ABCC3: variants seen among roughly 807,000 people sequenced by gnomAD.
ABCC3 encodes the protein ATP-binding cassette sub-family C member 3.
Under a neutral mutation model 165.3 loss-of-function variants are expected in ABCC3, and 121 were observed. The ratio of observed to expected loss-of-function variants is 0.73; its 90% confidence interval spans 0.63 to 0.85. The LOEUF is 0.85. ABCC3 is among the 40% of genes least tolerant of loss of function. The pLI is 0.00. For missense variants in ABCC3, 1,869 were observed against 1,964.1 expected, an observed-to-expected ratio of 0.95 and a Z score of 0.92; for synonymous variants, 733 against 810.1, an observed-to-expected ratio of 0.90 and a Z score of 1.62.
chr17:50,663,490 A>G (rs1175948079), intron 8 of ABCC3, 191 bp from the exon 9 acceptor site: 2 of 620,886 alleles, frequency 3.2e-6, no homozygotes, highest in Non-Finnish European at 5.6e-6. Flanking sequence ...AGGTGAAGGC[A>G]GAGTGGAGCC....
At position 50,663,873 on chromosome 17, in the gene ABCC3, G is replaced by A. The variant is rs770539970; in HGVS notation, c.1176+15G>A. 3.7e-6 allele frequency: 6 copies of A among 1,614,198 alleles called. No homozygotes were observed. In the East Asian group the frequency reaches 1.1e-4, roughly 30 times the overall value. ...TCTACAGGAAGGTCAGCTGGAGCAGGGCCCAGGGGAAAGGCTGGCCCTGGG... is the reference window on the plus strand; with the variant it reads ...TCTACAGGAAGGTCAGCTGGAGCAGAGCCCAGGGGAAAGGCTGGCCCTGGG... On this transcript the variant is annotated intron_variant, in intron 9 of 30. Transcript: ENST00000285238.
rs144530573 is a variant in ABCC3 at position 50,669,157 on chromosome 17, C to T, written c.1955C>T (p.Pro652Leu). The change falls in exon 16 of 31, where the codon CCG (proline) becomes CTG (leucine). Residue 652 changes from proline to leucine, a missense_variant. Transcript: ENST00000285238. ...PTLHSLDIQVPKGALVAVVGP... is the reference protein window; with the variant it reads ...PTLHSLDIQVLKGALVAVVGP... ...GCCCCCAGCCTAGACATCCAGGTCCCGAAAGGGGCACTGGTGGCCGTGGTG... is the reference window on the plus strand; with the variant it reads ...GCCCCCAGCCTAGACATCCAGGTCCTGAAAGGGGCACTGGTGGCCGTGGTG... 32 of 1,599,712 alleles carry T rather than the reference C, an allele frequency of 2.0e-5. No individual in the cohort carries two copies. The highest frequency in any genetic ancestry group is 4.1e-5 in the African/African-American group (3 of 73,630).
chr17:50,653,065 G>C (rs895304635), intron 1 of ABCC3, among the ~76,000 whole-genome samples: 4 of 152,172 alleles, frequency 2.6e-5, no homozygotes, highest in Non-Finnish European at 5.9e-5. Context: ...AAAGCTTTAG[G>C]CCGGGCACGG....
rs1333967256 is a variant in ABCC3, at chr17:50,691,797, T to C, written c.*597T>C. The C allele has an allele frequency of 6.6e-6, 1 of 152,354 alleles. No homozygotes were observed. Among genetic ancestry groups the C allele is most frequent in the Non-Finnish European group, 1.5e-5 (1 of 68,150 alleles). The allele number at this position is 152,354 out of a possible 1,614,324, so 9.4% of individuals were successfully genotyped here. A position where few individuals can be genotyped will look rare whatever the true frequency, so the allele number is the denominator to read the frequency against. ...GAAGACTTTCTACACATGTACATGG[T>C]TGTAGTTACCTGAACTTCAGACCCA... On this transcript the variant is annotated 3_prime_UTR_variant, in exon 31 of 31. Coordinates refer to ENST00000285238, the MANE Select transcript of ABCC3 (RefSeq NM_003786.4).
rs201021941 is a variant in ABCC3 at position 50,675,936 on chromosome 17, G to A, written c.2913G>A (p.Thr971=). Residue 971 remains threonine (T), a synonymous_variant, in exon 22 of 31, where the codon ACG becomes ACA. Coordinates refer to ENST00000285238, the MANE Select transcript of ABCC3 (RefSeq NM_003786.4). ...DYAKAVGLCT[T]LAICLLYVGQ... ...CCAAGGCCGTGGGGCTCTGTACCACGCTGGCCATCTGTCTCCTGTATGTGG... is the reference window on the plus strand; with the variant it reads ...CCAAGGCCGTGGGGCTCTGTACCACACTGGCCATCTGTCTCCTGTATGTGG... 2.2e-4 allele frequency: 350 copies of A among 1,614,172 alleles called. No individual in the cohort carries two copies. Among genetic ancestry groups the A allele is most frequent in the African/African-American group, 4.1e-4 (31 of 75,044 alleles).
At chr17:50,640,125 C>A (rs889551641) in intron 1 of ABCC3, among the ~76,000 whole-genome samples, 1 of 152,208 alleles carries the variant, frequency 6.6e-6, no homozygotes, top group Non-Finnish European at 1.5e-5. Flanking sequence ...CCAGCTAGGC[C>A]ACTACCCAGG....
intron 15 of ABCC3, 103 bp downstream of exon 15, chr17:50,669,022 C>G: frequency 6.3e-7 from 1 of 1,592,348 alleles, no homozygotes; most frequent in Non-Finnish European, 8.6e-7. Context: ...GCAGGAAGAG[C>G]TTCAGCCTGC....
At chr17:50,635,223 A>G in intron 1 of ABCC3, 1 of 624,740 alleles carries the variant, frequency 1.6e-6, no homozygotes, top group Admixed American at 2.7e-5. Context: ...AGCACTGGGG[A>G]GCCCGGGAAA....
At chr17:50,660,682 G>A (rs1423964214) in intron 7 of ABCC3, among the ~76,000 whole-genome samples, 1 of 152,168 alleles carries the variant, frequency 6.6e-6, no homozygotes, top group Non-Finnish European at 1.5e-5. Context: ...GGCCAGACTG[G>A]GGGGATAGCT....
chr17:50,639,826 C>T (rs1027970320), intron 1 of ABCC3, among the ~76,000 whole-genome samples: 3 of 151,206 alleles, frequency 2.0e-5, no homozygotes, highest in African/African-American at 7.3e-5. Flanking sequence ...TGCAGTAGCA[C>T]AATCTCAACT....
intron 19 of ABCC3, among the ~76,000 whole-genome samples, chr17:50,673,957 T>C (rs1840741037): frequency 3.9e-4 from 7 of 17,944 alleles, no homozygotes; most frequent in East Asian, 1.3e-3. Flanking sequence ...TCTTTCTTTC[T>C]TTCTTTCTTT....
chr17:50,658,005 C>T (rs1967290323), intron 4 of ABCC3, 77 bp from the exon 5 acceptor site: 3 of 1,603,732 alleles, frequency 1.9e-6, no homozygotes, highest in Admixed American at 3.4e-5. Flanking sequence ...ACTGATGCCC[C>T]AAGGGACTCC....
intron 1 of ABCC3, chr17:50,635,257 G>T (rs1305888453): frequency 1.8e-5 from 11 of 626,254 alleles, no homozygotes. Context: ...CGCGGCTGGG[G>T]CGCAAAGGCA....
rs376197778 is a variant in ABCC3, at chr17:50,635,507, A to G, written c.45+526A>G. The G allele has an allele frequency of 7.3e-5, 51 of 702,524 alleles. No homozygotes were observed. The East Asian group carries it at 1.0e-3, about 14-fold the overall frequency. The allele number at this position is 702,524 out of a possible 1,614,324, so 43.5% of individuals were successfully genotyped here. A position where few individuals can be genotyped will look rare whatever the true frequency, so the allele number is the denominator to read the frequency against. ...ACCCTTCTTAGGAAGGTTTCCTGCCACCTTCTTTTCTCTAGGTAAGACTGA... is the reference window on the plus strand; with the variant it reads ...ACCCTTCTTAGGAAGGTTTCCTGCCGCCTTCTTTTCTCTAGGTAAGACTGA... On this transcript the variant is annotated intron_variant, in intron 1 of 30. Coordinates refer to ENST00000285238, the MANE Select transcript of ABCC3 (RefSeq NM_003786.4).
At position 50,635,180 on chromosome 17, in the gene ABCC3, G is replaced by T. The variant is rs559964008; in HGVS notation, c.45+199G>T. On this transcript the variant is annotated intron_variant, in intron 1 of 30. Transcript: ENST00000285238. ...CCGGAGCCGGGTCCCACGCGGTGTC[G>T]GGGACCTGCCCTGCTCTGCCCTTCC... 3.8e-4 allele frequency: 217 copies of T among 567,790 alleles called. 1 individual carries two copies. Among genetic ancestry groups the T allele is most frequent in the Admixed American group, 8.3e-4 (23 of 27,796 alleles). The allele number at this position is 567,790 out of a possible 1,614,324, so 35.2% of individuals were successfully genotyped here.
intron 21 of ABCC3, 43 bp downstream of exon 21, chr17:50,675,818 A>G: frequency 1.3e-6 from 2 of 1,594,812 alleles, no homozygotes; most frequent in Middle Eastern, 1.7e-4. Flanking sequence ...ATGGACAGGC[A>G]GGCCCCAGCA....
In ABCC3 at chr17:50,667,944, T is replaced by C; in HGVS notation, c.1717T>C (p.Ser573Pro). 1 of 1,614,202 alleles carries C rather than the reference T, an allele frequency of 6.2e-7. No homozygotes were observed. The highest frequency in any genetic ancestry group is 8.5e-7 in the Non-Finnish European group (1 of 1,180,034). The change falls in exon 13 of 31, where the codon TCC (serine) becomes CCC (proline). Residue 573 changes from serine to proline, a missense_variant. Physicochemically the swap from Ser to Pro is moderately conservative, Grantham distance 74. Coordinates refer to ENST00000285238, the MANE Select transcript of ABCC3 (RefSeq NM_003786.4). ...CGCCGAGAAGGCCTTTGTGTCTGTG[T>C]CCTTGTTTAATATCTTAAGACTTCC... ...LDAEKAFVSV[S>P]LFNILRLPLN...
chr17:50,673,901 TTTCTTTCTTTCTTTC>T (rs1967706617), intron 19 of ABCC3, among the ~76,000 whole-genome samples: 1 of 9,052 alleles, frequency 1.1e-4, no homozygotes, highest in Non-Finnish European at 2.0e-4. Context: ...CAGAGCCTGT[TTTCTTTCTTTCTTTC>T]TTTCTTTCTT....
At chr17:50,687,183 G>A (rs1968036864) in intron 29 of ABCC3, 2 of 260,686 alleles carry the variant, frequency 7.7e-6, no homozygotes, top group East Asian at 1.6e-4. Flanking sequence ...AGCCATGCAA[G>A]TATGTTCTTA....
Sources: gnomAD v4.1 joint callset for allele counts (sites outside exome capture counted in the v4.1 genomes callset) on GRCh38, gnomAD v4.1.1 for gene constraint, MANE v1.5 for transcripts, NCBI Gene and HGNC (gene_info 2026-07-23, HGNC 2026-07-21) for gene names.